UNC13C: variants seen among roughly 807,000 people sequenced by gnomAD.
UNC13C encodes unc-13 homolog C, also known as protein unc-13 homolog C.
UNC13C carries 174 observed loss-of-function variants against 245.4 expected under a neutral mutation model. The observed-to-expected ratio is 0.71, with a 90% CI of 0.63 to 0.80. The LOEUF is 0.80. Ranked by LOEUF, UNC13C falls within the 30% of genes least tolerant of loss-of-function variation. The pLI is 0.00. For missense variants in UNC13C, 2,829 were observed against 2,602.9 expected (o/e 1.09, Z -1.89); for synonymous variants, 992 against 895.1 (o/e 1.11, Z -1.93).
chr15:54,632,328 C>T (rs999677498), downstream of UNC13C: 3 of 152,166 alleles, frequency 2.0e-5, no homozygotes, highest in African/African-American at 7.2e-5. Flanking sequence ...AAGGTTTTCA[C>T]TTCCATCAAG....
rs2035738871 is a variant in UNC13C, at chr15:54,237,667, A to G, written c.3205A>G (p.Thr1069Ala). Residue 1069 changes from threonine to alanine, a missense_variant, in exon 7 of 33, where the codon ACA becomes GCA. Coordinates refer to ENST00000260323, the MANE Select transcript of UNC13C (RefSeq NM_001080534.3). Reference sequence around the variant, plus strand: ...ACTCTCCCTGGCTATGGTGATTAGGACATCCCTAAATAATGAGGAACTGGT... The same window carrying G: ...ACTCTCCCTGGCTATGGTGATTAGGGCATCCCTAAATAATGAGGAACTGGT... ...SGLSLAMVIR[T>A]SLNNEELKMH... 1.2e-6 allele frequency: 2 copies of G among 1,612,040 alleles called. No individual in the cohort carries two copies. Among genetic ancestry groups the G allele is most frequent in the East Asian group, 4.5e-5 (2 of 44,848 alleles).
intron 2 of UNC13C, among the ~76,000 whole-genome samples, chr15:54,134,047 T>G (rs1292350261): frequency 1.7e-5 from 1 of 60,436 alleles, no homozygotes; most frequent in East Asian, 4.5e-4. Context: ...TATACTGAGT[T>G]ACGTGTGTGT....
chr15:54,510,584 A>T (rs1894692225), intron 23 of UNC13C, among the ~76,000 whole-genome samples: 1 of 151,840 alleles, frequency 6.6e-6, no homozygotes, highest in African/African-American at 2.4e-5. Flanking sequence ...AGGAATTATT[A>T]AATTGTTTGC....
intron 2 of UNC13C, among the ~76,000 whole-genome samples, chr15:54,030,691 G>A (rs1198981788): frequency 6.6e-6 from 1 of 152,114 alleles, no homozygotes; most frequent in African/African-American, 2.4e-5. Context: ...CCAGAGGTTG[G>A]GAAGTTTAAG....
chr15:54,478,755 TGTG>T (rs1292710078), intron 19 of UNC13C, among the ~76,000 whole-genome samples: 1 of 151,564 alleles, frequency 6.6e-6, no homozygotes. Flanking sequence ...TTGGAATAGG[TGTG>T]GTGTGGTGCT....
chr15:54,261,729 A>G (rs1204780170), intron 8 of UNC13C, among the ~76,000 whole-genome samples: 1 of 152,122 alleles, frequency 6.6e-6, no homozygotes, highest in Non-Finnish European at 1.5e-5. Flanking sequence ...TATTTTTAGT[A>G]GAGACAGAGT....
chr15:54,027,079 G>A (rs1395391742), intron 2 of UNC13C, among the ~76,000 whole-genome samples: 1 of 151,734 alleles, frequency 6.6e-6, no homozygotes, highest in Non-Finnish European at 1.5e-5. Flanking sequence ...ATTGAGCCAG[G>A]CTAAGAGAAA....
chr15:54,579,248 C>T (rs1898098841), intron 30 of UNC13C, among the ~76,000 whole-genome samples: 1 of 152,076 alleles, frequency 6.6e-6, no homozygotes, highest in Non-Finnish European at 1.5e-5. Context: ...TTTTTTTTCT[C>T]TGCCTGCTTA....
chr15:53,995,059 A>G (rs1894557292), intron 1 of UNC13C, among the ~76,000 whole-genome samples: 1 of 152,160 alleles, frequency 6.6e-6, no homozygotes, highest in South Asian at 2.1e-4. Context: ...GCTTTTGTAT[A>G]TAAATATTCT....
the UNC13C span, among the ~76,000 whole-genome samples, chr15:53,887,369 T>C: frequency 6.6e-6 from 1 of 152,156 alleles, no homozygotes; most frequent in Admixed American, 6.5e-5. Context: ...TTATAGGAAA[T>C]GTGAGGAAAC....
chr15:54,617,865 G>A (rs1320731898), intron 30 of UNC13C, among the ~76,000 whole-genome samples: 8 of 152,028 alleles, frequency 5.3e-5, no homozygotes. Flanking sequence ...GATATTTAAT[G>A]GTGATATTGC....
chr15:54,036,402 C>T (rs903277777), intron 2 of UNC13C, among the ~76,000 whole-genome samples: 4 of 152,134 alleles, frequency 2.6e-5, no homozygotes, highest in African/African-American at 7.2e-5. Flanking sequence ...CTTCAATTTA[C>T]GGAGAAAGAA....
At chr15:54,300,624 C>T (rs936867751) in intron 13 of UNC13C, among the ~76,000 whole-genome samples, 59 of 152,122 alleles carry the variant, frequency 3.9e-4, no homozygotes, top group African/African-American at 1.3e-3. Context: ...ATCAACAGCA[C>T]CTGGCAACTT....
intron 2 of UNC13C, among the ~76,000 whole-genome samples, chr15:54,036,086 G>A (rs781755846): frequency 2.6e-5 from 4 of 152,120 alleles, no homozygotes; most frequent in Admixed American, 6.5e-5. Context: ...TCCTTTCTGA[G>A]GACACTTGAT....
chr15:54,353,169 G>C (rs2039021674), intron 17 of UNC13C, among the ~76,000 whole-genome samples: 1 of 152,144 alleles, frequency 6.6e-6, no homozygotes, highest in Non-Finnish European at 1.5e-5. Flanking sequence ...GACAAACACA[G>C]TCAGTATCCT....
chr15:54,020,516 C>T lies in UNC13C; in HGVS notation c.2983+4630C>T, dbSNP rs377319644. Among the ~76,000 whole-genome samples the T allele has an allele frequency of 3.3e-5, 5 of 150,316 alleles. No individual in the cohort carries two copies. The East Asian group carries it at 9.8e-4, about 30-fold the overall frequency. The stretch of plus-strand genomic sequence containing the variant: ...TCCAGGCTGGTCTCGAACTCCTGAC[C>T]TCGTGATCTGCCTGCCTTGGCCTCC... On this transcript the variant is annotated intron_variant, in intron 2 of 32. Coordinates refer to ENST00000260323, the MANE Select transcript of UNC13C (RefSeq NM_001080534.3).
chr15:54,187,107 A>T (rs758896811), intron 4 of UNC13C, among the ~76,000 whole-genome samples: 1 of 151,956 alleles, frequency 6.6e-6, no homozygotes, highest in Non-Finnish European at 1.5e-5. Context: ...CTTGGCATCA[A>T]TTTTACACAT....
At chr15:54,154,500 T>A (rs2141255754) in intron 4 of UNC13C, among the ~76,000 whole-genome samples, 1 of 152,296 alleles carries the variant, frequency 6.6e-6, no homozygotes, top group African/African-American at 2.4e-5. Flanking sequence ...GGAGTATAAA[T>A]CGTATATTAA....
At position 54,364,980 on chromosome 15, in the gene UNC13C, A is replaced by G. The variant is rs190009670; in HGVS notation, c.4713+26491A>G. Among the ~76,000 whole-genome samples, 187 of 152,320 alleles carry G rather than the reference A, an allele frequency of 1.2e-3. 1 individual carries two copies. The highest frequency in any genetic ancestry group is 4.2e-3 in the African/African-American group (176 of 41,572). On this transcript the variant is annotated intron_variant, in intron 17 of 32. Transcript: ENST00000260323. ...CTTACACTAGCGCTATGTCTATGGC[A>G]ATAGCTCTGATTAGATTGCAAAGTA...
Sources: gnomAD v4.1 joint callset for allele counts (sites outside exome capture counted in the v4.1 genomes callset) on GRCh38, gnomAD v4.1.1 for gene constraint, MANE v1.5 for transcripts, NCBI Gene and HGNC (gene_info 2026-07-23, HGNC 2026-07-21) for gene names.